The following PRKN variants were observed in gnomAD, a reference collection of about 807,000 sequenced individuals.
The protein encoded by PRKN is parkin RBR E3 ubiquitin protein ligase.
A neutral mutation model predicts 59.5 loss-of-function variants in PRKN; 56 were observed. The observed-to-expected ratio is 0.94, with a 90% CI of 0.76 to 1.18. PRKN has a LOEUF of 1.18. Among genes scored for constraint, PRKN ranks in the 50% most tolerant of loss-of-function variants. The pLI is 0.00. For synonymous variants in PRKN, 250 were observed against 222.1 expected (o/e 1.13, Z -1.12); for missense variants, 657 against 596.4 (o/e 1.10, Z -1.06).
intron 4 of PRKN, among the ~76,000 whole-genome samples, chr6:162,060,769 T>A (rs1467178291): frequency 1.3e-5 from 2 of 152,218 alleles, no homozygotes; most frequent in Non-Finnish European, 2.9e-5. Flanking sequence ...CTAATTCTAT[T>A]TTCCAAAATG....
rs552858061 is a variant in PRKN at position 162,526,878 on chromosome 6, C to G, written c.8-83405G>C. 2.6e-5 allele frequency among the ~76,000 whole-genome samples: 4 copies of G among 152,244 alleles called. No individual in the cohort carries two copies. The Middle Eastern group carries it at 0.01, about 388-fold the overall frequency. The stretch of plus-strand genomic sequence containing the variant: ...ATGTATGGCACGTGGCTAATAATTC[C>G]TAGGTTAGCCCTTTAAGACACATTG... On this transcript the variant is annotated intron_variant, in intron 1 of 11. Transcript: ENST00000366898.
chr6:162,646,451 T>C (rs1778191075), intron 1 of PRKN, among the ~76,000 whole-genome samples: 1 of 151,942 alleles, frequency 6.6e-6, no homozygotes, highest in South Asian at 2.1e-4. Flanking sequence ...TTTTTTATTA[T>C]AAAAATTTTT....
intron 1 of PRKN, among the ~76,000 whole-genome samples, chr6:162,673,318 GAAAATA>G (rs562452572): frequency 1.4e-3 from 217 of 152,146 alleles, no homozygotes; most frequent in Middle Eastern, 3.4e-3. Context: ...TTAACGGAGT[GAAAATA>G]AAAAGTTAAC....
chr6:161,501,720 TG>T (rs1409599087), intron 9 of PRKN, among the ~76,000 whole-genome samples: 1 of 152,176 alleles, frequency 6.6e-6, no homozygotes, highest in Non-Finnish European at 1.5e-5. Flanking sequence ...CTGGAGAAAC[TG>T]GTCATTTGTT....
intron 3 of PRKN, among the ~76,000 whole-genome samples, chr6:162,242,860 T>TTGCTGTTGATTCCACTTTATAG (rs1779040497): frequency 6.6e-6 from 1 of 152,114 alleles, no homozygotes; most frequent in Non-Finnish European, 1.5e-5. Flanking sequence ...ATCTTCATGG[T>TTGCTGTTGATTCCACTTTATAG]AAGGACAAAG....
intron 1 of PRKN, among the ~76,000 whole-genome samples, chr6:162,486,582 G>T (rs1192033362): frequency 6.6e-6 from 1 of 152,186 alleles, no homozygotes; most frequent in African/African-American, 2.4e-5. Context: ...CTGGGTCAGA[G>T]AACATGTCCA....
chr6:162,644,083 T>C (rs907772122), intron 1 of PRKN, among the ~76,000 whole-genome samples: 3 of 152,148 alleles, frequency 2.0e-5, no homozygotes, highest in African/African-American at 4.8e-5. Context: ...TCCAAGTAGG[T>C]TGAACGCTCC....
Position 161,480,953 on chromosome 6 carries a change from G to A in PRKN, c.1083+67901C>T, listed in dbSNP as rs1791363088. Among the ~76,000 whole-genome samples, 1 of 152,212 alleles carries A rather than the reference G, an allele frequency of 6.6e-6. No homozygotes were observed. Among genetic ancestry groups the A allele is most frequent in the South Asian group, 2.1e-4 (1 of 4,828 alleles). ...GCTTTCTCCATGGTAACCGGGCAAG[G>A]AGAAAAGCGCTTCACAGCCACGAAG... On this transcript the variant is annotated intron_variant, in intron 9 of 11. Transcript: ENST00000366898. The surrounding 1 kb of genome is among the most constrained non-coding windows in gnomAD (Gnocchi z 4.1).
intron 1 of PRKN, among the ~76,000 whole-genome samples, chr6:162,477,854 C>A (rs60712820): frequency 0.04 from 6,050 of 152,230 alleles, 416 homozygotes; most frequent in African/African-American, 0.14. Flanking sequence ...TCAAATTATA[C>A]CCGTCTTACA....
At chr6:161,540,931 T>C (rs1433223459) in intron 9 of PRKN, among the ~76,000 whole-genome samples, 4 of 152,240 alleles carry the variant, frequency 2.6e-5, no homozygotes, top group African/African-American at 9.6e-5. Flanking sequence ...GGAACCTGGA[T>C]TGCATGACCC....
At chr6:161,693,693 C>T (rs904858336) in intron 7 of PRKN, among the ~76,000 whole-genome samples, 12 of 152,122 alleles carry the variant, frequency 7.9e-5, no homozygotes, top group African/African-American at 1.2e-4. Context: ...GTAATCATCA[C>T]GAAAACATTT....
chr6:162,021,998 G>C (rs895443025), intron 5 of PRKN, among the ~76,000 whole-genome samples: 1 of 152,012 alleles, frequency 6.6e-6, no homozygotes, highest in African/African-American at 2.4e-5. Context: ...GCCTGTAACT[G>C]CATCCACGTC....
At chr6:161,731,687 G>A (rs6908944) in intron 7 of PRKN, among the ~76,000 whole-genome samples, 19,978 of 152,112 alleles carry the variant, frequency 0.13, 2,855 homozygotes, top group African/African-American at 0.36. Flanking sequence ...TGGATTACAA[G>A]TCAGAAATTA....
At chr6:162,685,922 T>A (rs1272199547) in intron 1 of PRKN, among the ~76,000 whole-genome samples, 1 of 152,086 alleles carries the variant, frequency 6.6e-6, no homozygotes. Flanking sequence ...GTGCATTCAA[T>A]ATTATAAACA....
chr6:161,730,114 T>C (rs566724198), intron 7 of PRKN, among the ~76,000 whole-genome samples: 2 of 152,202 alleles, frequency 1.3e-5, no homozygotes, highest in South Asian at 4.1e-4. Flanking sequence ...TTGCATTCTT[T>C]CTGATGTGTT....
chr6:162,622,472 C>G, intron 1 of PRKN, among the ~76,000 whole-genome samples: 1 of 152,126 alleles, frequency 6.6e-6, no homozygotes, highest in East Asian at 1.9e-4. Flanking sequence ...GGGTGAGCCA[C>G]CGTGCCTGGC....
chr6:161,703,388 A>G (rs1786334895), intron 7 of PRKN, among the ~76,000 whole-genome samples: 1 of 152,216 alleles, frequency 6.6e-6, no homozygotes, highest in Non-Finnish European at 1.5e-5. Context: ...GACAATCAAC[A>G]TCACTAGTCA....
chr6:161,640,607 A>C (rs1783703625), intron 7 of PRKN, among the ~76,000 whole-genome samples: 1 of 152,158 alleles, frequency 6.6e-6, no homozygotes. Flanking sequence ...CTCTGGCAGC[A>C]GTGGTCGACA....
intron 7 of PRKN, among the ~76,000 whole-genome samples, chr6:161,722,209 G>A (rs76302480): frequency 0.018 from 2,676 of 151,652 alleles, 90 homozygotes; most frequent in African/African-American, 0.062. Flanking sequence ...AATTCGGGGG[G>A]AAAAGCAGGA....
Sources: gnomAD v4.1 joint callset for allele counts (sites outside exome capture counted in the v4.1 genomes callset) on GRCh38, gnomAD v4.1.1 for gene constraint, Gnocchi (gnomAD v3.1) non-coding constraint, MANE v1.5 for transcripts, NCBI Gene and HGNC (gene_info 2026-07-23, HGNC 2026-07-21) for gene names.